Variants in MAST4 observed in about 807,000 individuals in gnomAD.
MAST4 encodes microtubule associated serine/threonine kinase family member 4, also known as microtubule-associated serine/threonine-protein kinase 4.
A neutral mutation model predicts 162.7 loss-of-function variants in MAST4; 89 were observed. That is an observed-to-expected ratio of 0.55 (90% CI 0.46 to 0.65). MAST4 has a LOEUF of 0.65. Among genes scored for constraint, MAST4 ranks in the 30% least tolerant of loss-of-function variants. The pLI is 0.00. For synonymous variants in MAST4, 1,479 were observed against 1,361.1 expected (o/e 1.09, Z -1.91); for missense variants, 3,153 against 3,374.0 (o/e 0.93, Z 1.62).
rs370389383 is a variant in MAST4 at position 66,978,360 on chromosome 5, T to C, written c.675-76044T>C. Among the ~76,000 whole-genome samples, 6 of 152,236 alleles carry C rather than the reference T, an allele frequency of 3.9e-5. No homozygotes were observed. The East Asian group carries it at 9.6e-4, about 24-fold the overall frequency. On this transcript the variant is annotated intron_variant, in intron 4 of 28. Coordinates refer to ENST00000403625, the MANE Select transcript of MAST4 (RefSeq NM_001164664.2). ...GTTATTCTGTGTTTTAAAATCAGTC[T>C]TTAGGAAGTCTTCTTAAAACATTTT...
Position 67,100,587 on chromosome 5 carries a change from T to G in MAST4, c.1065T>G (p.Ser355Arg). The change falls in exon 8 of 29, where the codon AGT (serine) becomes AGG (arginine). Residue 355 changes from serine to arginine, a missense_variant. Physicochemically the swap from Ser to Arg is moderately radical, Grantham distance 110. This residue lies in a region of MAST4 where 360 missense variants were observed against 450.0 expected (regional missense o/e 0.80). Transcript: ENST00000403625. ...RNTPMRPRSR[S>R]LSPGRSPACC... Reference sequence around the variant, plus strand: ...CGCCGATGCGCCCCCGTTCCCGAAGTCTGAGGTGTGTGGGCCTGGCTGAAA... The same window carrying G: ...CGCCGATGCGCCCCCGTTCCCGAAGGCTGAGGTGTGTGGGCCTGGCTGAAA... 1 of 1,613,818 alleles carries G rather than the reference T, an allele frequency of 6.2e-7. No homozygotes were observed. Among genetic ancestry groups the G allele is most frequent in the Non-Finnish European group, 8.5e-7 (1 of 1,179,798 alleles).
At chr5:66,786,401 A>C (rs1755122181) in intron 2 of MAST4, among the ~76,000 whole-genome samples, 1 of 152,106 alleles carries the variant, frequency 6.6e-6, no homozygotes, top group Non-Finnish European at 1.5e-5. Context: ...GTACCTCTCA[A>C]TCATGCCCTT....
chr5:66,958,701 T>C (rs908899928), intron 4 of MAST4, among the ~76,000 whole-genome samples: 3 of 152,194 alleles, frequency 2.0e-5, no homozygotes, highest in African/African-American at 7.2e-5. Context: ...TGTGGCACTA[T>C]TCCTCATTTA....
In MAST4 at chr5:67,163,102, GA is replaced by G; in HGVS notation, c.3968-41del. On this transcript the variant is annotated intron_variant, in intron 28 of 28. Transcript: ENST00000403625. The surrounding 1 kb of genome is among the most constrained non-coding windows in gnomAD (Gnocchi z 7.0). The stretch of plus-strand genomic sequence containing the variant: ...TGGGCTACAACTGTGAAAAAAAGGG[GA>G]AAATGACCATGGATGCTCACAGCCT... The G allele has an allele frequency of 1.3e-6, 2 of 1,556,430 alleles. No homozygotes were observed. The highest frequency in any genetic ancestry group is 8.7e-7 in the Non-Finnish European group (1 of 1,145,298).
chr5:66,861,592 T>G (rs1760122084), intron 3 of MAST4, among the ~76,000 whole-genome samples: 1 of 152,254 alleles, frequency 6.6e-6, no homozygotes, highest in Non-Finnish European at 1.5e-5. Context: ...AGCCTAGCAG[T>G]GGAACCACTG....
chr5:66,680,994 A>G (rs1303676968), intron 1 of MAST4, among the ~76,000 whole-genome samples: 3 of 152,180 alleles, frequency 2.0e-5, no homozygotes. Flanking sequence ...CTTTGGCCAC[A>G]AGGGGGACCA....
At chr5:66,711,245 A>G (rs1750479755) in intron 1 of MAST4, among the ~76,000 whole-genome samples, 1 of 152,184 alleles carries the variant, frequency 6.6e-6, no homozygotes, top group Admixed American at 6.5e-5. Flanking sequence ...AATTATGACA[A>G]ACTTAGTGGC....
At chr5:66,902,317 T>C (rs1404513710) in intron 4 of MAST4, among the ~76,000 whole-genome samples, 1 of 152,230 alleles carries the variant, frequency 6.6e-6, no homozygotes, top group East Asian at 1.9e-4. Flanking sequence ...TGCTTCAGAT[T>C]GTATGTCTTG....
At chr5:66,781,565 C>T (rs1754871276) in intron 2 of MAST4, among the ~76,000 whole-genome samples, 1 of 152,170 alleles carries the variant, frequency 6.6e-6, no homozygotes, top group South Asian at 2.1e-4. Flanking sequence ...AAAATCTCCC[C>T]AAAACCCTTG....
At chr5:66,695,348 ACCTCT>A (rs1277609048) in intron 1 of MAST4, among the ~76,000 whole-genome samples, 1 of 151,492 alleles carries the variant, frequency 6.6e-6, no homozygotes, top group Non-Finnish European at 1.5e-5. Context: ...TGTTTCTGAG[ACCTCT>A]ATTCTGTTCC....
intron 6 of MAST4, among the ~76,000 whole-genome samples, chr5:67,092,068 T>A (rs1763924121): frequency 6.6e-6 from 1 of 152,236 alleles, no homozygotes; most frequent in South Asian, 2.1e-4. Flanking sequence ...TAGAGTTGAT[T>A]TTTCCTCAGG....
chr5:66,766,418 C>T (rs767700640), intron 2 of MAST4, among the ~76,000 whole-genome samples: 9 of 152,082 alleles, frequency 5.9e-5, no homozygotes, highest in African/African-American at 1.2e-4. Flanking sequence ...AGAATCATGA[C>T]GTTCTATCTT....
intron 3 of MAST4, among the ~76,000 whole-genome samples, chr5:66,889,496 G>A (rs1435421815): frequency 1.3e-5 from 2 of 152,204 alleles, no homozygotes; most frequent in Non-Finnish European, 2.9e-5. Flanking sequence ...TTCTGCTAAA[G>A]TAATTTTCTT....
intron 3 of MAST4, among the ~76,000 whole-genome samples, chr5:66,855,614 A>C (rs1316104736): frequency 6.6e-6 from 1 of 152,172 alleles, no homozygotes; most frequent in Non-Finnish European, 1.5e-5. Flanking sequence ...TGCCAGTGTA[A>C]GGGTGCTGTG....
intron 3 of MAST4, among the ~76,000 whole-genome samples, chr5:66,794,836 T>A (rs1755573785): frequency 6.6e-6 from 1 of 152,214 alleles, no homozygotes; most frequent in Admixed American, 6.5e-5. Context: ...TTTCATGATG[T>A]TCTATAAATA....
intron 7 of MAST4, among the ~76,000 whole-genome samples, chr5:67,100,140 G>C (rs140633252): frequency 6.6e-6 from 1 of 152,132 alleles, no homozygotes. Flanking sequence ...TCCAGTGGTC[G>C]CTTTCTTGCT....
chr5:66,727,947 T>C (rs550105313), intron 1 of MAST4, among the ~76,000 whole-genome samples: 1 of 152,216 alleles, frequency 6.6e-6, no homozygotes, highest in South Asian at 2.1e-4. Context: ...TGGTGTTTGC[T>C]TCTGGGACTC....
chr5:67,068,228 T>C lies in MAST4; in HGVS notation c.763+13736T>C, dbSNP rs1760477126. ...CTTCATTTATGTTTCATCTGTCCTA[T>C]TCTGTTGTATTAGTCTGTTCTCATG... is the stretch of plus-strand genomic sequence containing the variant. On this transcript the variant is annotated intron_variant, in intron 5 of 28. Coordinates refer to ENST00000403625, the MANE Select transcript of MAST4 (RefSeq NM_001164664.2). 2.6e-5 allele frequency among the ~76,000 whole-genome samples: 4 copies of C among 152,302 alleles called. No individual in the cohort carries two copies. In the South Asian group the frequency reaches 8.3e-4, roughly 32 times the overall value.
chr5:66,742,010 C>T (rs941126783), intron 1 of MAST4, among the ~76,000 whole-genome samples: 1 of 152,190 alleles, frequency 6.6e-6, no homozygotes, highest in Non-Finnish European at 1.5e-5. Context: ...AAAGGATGAG[C>T]ATCTGTACTC....
Sources: gnomAD v4.1 joint callset for allele counts (sites outside exome capture counted in the v4.1 genomes callset) on GRCh38, gnomAD v4.1.1 for gene constraint, gnomAD v4.1.1 regional missense constraint, Gnocchi (gnomAD v3.1) non-coding constraint, MANE v1.5 for transcripts, NCBI Gene and HGNC (gene_info 2026-07-23, HGNC 2026-07-21) for gene names.